COG3: variants seen among roughly 807,000 people sequenced by gnomAD.
COG3 encodes conserved oligomeric Golgi complex subunit 3.
A neutral mutation model predicts 114.1 loss-of-function variants in COG3; 32 were observed. The observed-to-expected ratio is 0.28, with a 90% CI of 0.21 to 0.38. The LOEUF (loss-of-function observed/expected upper bound fraction) is 0.38, where lower values mean the gene tolerates loss of function less well. COG3 is among the 10% of genes least tolerant of loss of function. COG3 has a pLI of 1.00. For synonymous variants in COG3, 352 were observed against 365.7 expected, an observed-to-expected ratio of 0.96 and a Z score of 0.43; for missense variants, 813 against 973.2, an observed-to-expected ratio of 0.84 and a Z score of 2.19.
At chr13:45,520,677 C>T (rs1872034830) in intron 19 of COG3, among the ~76,000 whole-genome samples, 1 of 150,626 alleles carries the variant, frequency 6.6e-6, no homozygotes, top group Non-Finnish European at 1.5e-5. Context: ...GATTTTATTC[C>T]GAGTATTTGC....
chr13:45,532,550 T>C (rs1473099670), intron 22 of COG3, among the ~76,000 whole-genome samples: 1 of 148,720 alleles, frequency 6.7e-6, no homozygotes, highest in Admixed American at 6.7e-5. Flanking sequence ...TATTGGGTTA[T>C]CCTTCCATTG....
chr13:45,515,380 G>A (rs969885634), intron 16 of COG3, among the ~76,000 whole-genome samples: 2 of 152,172 alleles, frequency 1.3e-5, no homozygotes, highest in Admixed American at 6.5e-5. Context: ...TAATATAAAA[G>A]TTTCATTAGC....
chr13:45,531,487 G>A (rs1873158976), intron 22 of COG3, among the ~76,000 whole-genome samples: 1 of 148,664 alleles, frequency 6.7e-6, no homozygotes, highest in Non-Finnish European at 1.5e-5. Context: ...GCAATGGTGA[G>A]TGTAGATAAA....
chr13:45,491,635 A>G lies in COG3; in HGVS notation c.1095+97A>G, dbSNP rs371433555. The G allele has an allele frequency of 4.4e-6, 5 of 1,147,560 alleles. No homozygotes were observed. In the African/African-American group the frequency reaches 6.3e-5, roughly 14 times the overall value. The allele number at this position is 1,147,560 out of a possible 1,614,324, so 71.1% of individuals were successfully genotyped here. A position where few individuals can be genotyped will look rare whatever the true frequency, so the allele number is the denominator to read the frequency against. On this transcript the variant is annotated intron_variant, in intron 10 of 22. Transcript: ENST00000349995. The stretch of plus-strand genomic sequence containing the variant: ...CCTGGTTAAATAAGATTTGGGGCCC[A>G]TAGTTAACTGAAAAAGCATGTTTTT...
intron 13 of COG3, among the ~76,000 whole-genome samples, chr13:45,500,817 T>C (rs971530190): frequency 2.0e-5 from 3 of 152,242 alleles, no homozygotes; most frequent in South Asian, 2.1e-4. Flanking sequence ...TTTATGTCTT[T>C]TTAGGCTCCT....
At chr13:45,525,310 A>G (rs995596771) in intron 20 of COG3, among the ~76,000 whole-genome samples, 2 of 151,896 alleles carry the variant, frequency 1.3e-5, no homozygotes, top group African/African-American at 4.8e-5. Context: ...TAAGATGGAA[A>G]CCCTTTGAGT....
chr13:45,494,531 T>G (rs932338334), intron 12 of COG3, among the ~76,000 whole-genome samples: 5 of 152,104 alleles, frequency 3.3e-5, no homozygotes, highest in African/African-American at 1.2e-4. Context: ...TTTTGTTTTG[T>G]TTTGGTTTTT....
At chr13:45,510,535 T>C (rs1227346905) in intron 15 of COG3, among the ~76,000 whole-genome samples, 1 of 152,190 alleles carries the variant, frequency 6.6e-6, no homozygotes, top group African/African-American at 2.4e-5. Context: ...CTTCCTGCAG[T>C]GGAGTCAGGA....
chr13:45,491,284 T>G, intron 9 of COG3, 128 bp from the exon 10 acceptor site: 1 of 838,232 alleles, frequency 1.2e-6, no homozygotes, highest in Non-Finnish European at 1.8e-6. Flanking sequence ...ATTAAATAGT[T>G]AATGTGGGCA....
rs1209658201 is a variant in COG3, at chr13:45,493,274, A to G, written c.1188-73A>G. The G allele has an allele frequency of 7.4e-6, 9 of 1,213,882 alleles. 1 individual carries two copies. The highest frequency in any genetic ancestry group is 4.2e-5 in the South Asian group (3 of 71,306). 75.2% of individuals were successfully genotyped at this position (1,213,882 alleles called of 1,614,324 possible). Reference sequence around the variant, plus strand: ...TGTTCTTATTGACTGGAAGAAATCAATGAGGATTTCTAAATTATTACAAAA... The same window carrying G: ...TGTTCTTATTGACTGGAAGAAATCAGTGAGGATTTCTAAATTATTACAAAA... On this transcript the variant is annotated intron_variant, in intron 11 of 22. Coordinates refer to ENST00000349995, the MANE Select transcript of COG3 (RefSeq NM_031431.4).
chr13:45,486,738 C>G (rs1418799145), intron 8 of COG3, among the ~76,000 whole-genome samples, 163 bp downstream of exon 8: 1 of 152,128 alleles, frequency 6.6e-6, no homozygotes, highest in Admixed American at 6.5e-5. Flanking sequence ...AGTGTTGTGT[C>G]TAGGTTCTTT....
rs146073031 is a variant in COG3 at position 45,522,293 on chromosome 13, A to T, written c.2155-2683A>T. Among the ~76,000 whole-genome samples the T allele has an allele frequency of 9.2e-5, 14 of 152,314 alleles. No individual in the cohort carries two copies. In the East Asian group the frequency reaches 2.7e-3, roughly 29 times the overall value. ...GTTTCTAAGTTTGGACTGATTTTTAACAATATAGATGTATTACCGTGTAGA... is the reference window on the plus strand; with the variant it reads ...GTTTCTAAGTTTGGACTGATTTTTATCAATATAGATGTATTACCGTGTAGA... On this transcript the variant is annotated intron_variant, in intron 19 of 22. Coordinates refer to ENST00000349995, the MANE Select transcript of COG3 (RefSeq NM_031431.4).
chr13:45,505,015 C>T (rs757466535), intron 14 of COG3, among the ~76,000 whole-genome samples: 3 of 151,644 alleles, frequency 2.0e-5, no homozygotes, highest in Non-Finnish European at 4.4e-5. Flanking sequence ...GGTGAAACCC[C>T]GTCTCTACTA....
rs1489053175 is a variant in COG3, at chr13:45,480,135, G to A, written c.394G>A (p.Asp132Asn). The A allele has an allele frequency of 6.2e-7, 1 of 1,611,104 alleles. No homozygotes were observed. Among genetic ancestry groups the A allele is most frequent in the African/African-American group, 1.3e-5 (1 of 74,982 alleles). ...DEGTKYRQMR[D>N]YLSGFQEQCD... Reference sequence around the variant, plus strand: ...GGTTCTGTTTTCTAGACAGATGAGGGATTACTTGTCTGGGTTTCAGGAGCA... The same window carrying A: ...GGTTCTGTTTTCTAGACAGATGAGGAATTACTTGTCTGGGTTTCAGGAGCA... Residue 132 changes from aspartate to asparagine, a missense_variant, in exon 4 of 23, where the codon GAT becomes AAT. Asp to Asn is a conservative substitution (Grantham distance 23). This residue lies in a region of COG3 where 424 missense variants were observed against 430.6 expected (regional missense o/e 0.98). Coordinates refer to ENST00000349995, the MANE Select transcript of COG3 (RefSeq NM_031431.4).
chr13:45,533,240 T>C (rs576958919), intron 22 of COG3, among the ~76,000 whole-genome samples: 2 of 152,122 alleles, frequency 1.3e-5, no homozygotes, highest in Non-Finnish European at 2.9e-5. Context: ...TCTCCAGTTA[T>C]AGTCACTTGC....
chr13:45,483,927 A>G (rs1886410384), intron 7 of COG3, among the ~76,000 whole-genome samples: 1 of 152,234 alleles, frequency 6.6e-6, no homozygotes, highest in African/African-American at 2.4e-5. Context: ...CATGGAGCTT[A>G]TATTCAAAAG....
chr13:45,531,795 T>C (rs958880705), intron 22 of COG3, among the ~76,000 whole-genome samples: 5 of 152,102 alleles, frequency 3.3e-5, no homozygotes, highest in African/African-American at 1.2e-4. Context: ...CGAGCCACCA[T>C]ACCCAGCCAG....
rs895529849 is a variant in COG3, at chr13:45,530,757, A to G, written c.2434A>G (p.Ile812Val). The G allele has an allele frequency of 1.9e-6, 3 of 1,613,160 alleles. No homozygotes were observed. In the South Asian group the frequency reaches 3.3e-5, roughly 18 times the overall value. Residue 812 changes from isoleucine (I) to valine (V), a missense_variant, in exon 22 of 23, where the codon ATT becomes GTT. Coordinates refer to ENST00000349995, the MANE Select transcript of COG3 (RefSeq NM_031431.4). ...GTTCAGCCCTGAAGACATCCAGATC[A>G]TTGCCTGTCCATCTATGGAACAGGT... ...EEFSPEDIQI[I>V]ACPSMEQLSL...
At chr13:45,524,864 G>A in intron 19 of COG3, 112 bp from the exon 20 acceptor site, 1 of 622,552 alleles carries the variant, frequency 1.6e-6, no homozygotes, top group Non-Finnish European at 2.7e-6. Context: ...TGTTTTAATA[G>A]GTTTAAATGG....
Sources: gnomAD v4.1 joint callset for allele counts (sites outside exome capture counted in the v4.1 genomes callset) on GRCh38, gnomAD v4.1.1 for gene constraint, gnomAD v4.1.1 regional missense constraint, MANE v1.5 for transcripts, NCBI Gene and HGNC (gene_info 2026-07-23, HGNC 2026-07-21) for gene names.